The following ROBO3 variants were observed in gnomAD, a reference collection of about 807,000 sequenced individuals.
ROBO3 encodes the protein roundabout guidance receptor 3.
Under a neutral mutation model 160.5 loss-of-function variants are expected in ROBO3, and 97 were observed. The observed-to-expected ratio is 0.60, with a 90% CI of 0.51 to 0.72. The LOEUF is 0.72. Ranked by LOEUF, ROBO3 falls within the 30% of genes least tolerant of loss-of-function variation. The probability of loss-of-function intolerance (pLI) is 0.00; values close to 1 mark genes in which losing one functional copy is unlikely to be tolerated. For synonymous variants in ROBO3, 780 were observed against 746.2 expected (o/e 1.05, Z -0.74); for missense variants, 1,858 against 1,846.5 (o/e 1.01, Z -0.11).
At chr11:124,874,645 A>G in intron 12 of ROBO3, 143 bp from the exon 13 acceptor site, 7 of 967,874 alleles carry the variant, frequency 7.2e-6, no homozygotes, top group Non-Finnish European at 1.0e-5. Flanking sequence ...TCTGGAAGCT[A>G]TTTTCCTGAC....
At position 124,870,637 on chromosome 11, in the gene ROBO3, G is replaced by A. The variant is rs1565310038; in HGVS notation, c.942G>A (p.Gly314=). 2 of 1,613,542 alleles carry A rather than the reference G, an allele frequency of 1.2e-6. No individual in the cohort carries two copies. The highest frequency in any genetic ancestry group is 2.7e-5 in the African/African-American group (2 of 74,916). Residue 314 remains glycine (G), a synonymous_variant, in exon 6 of 28, where the codon GGG becomes GGA. Transcript: ENST00000397801. ...GGAGTGACCACAGCCTTTGGATTGG[G>A]CATGTGAGTGCCGAAGATGAGGGAA... ...EIRSDHSLWI[G]HVSAEDEGTY...
chr11:124,879,640 G>A (rs988473380), intron 25 of ROBO3, 65 bp downstream of exon 25: 16 of 1,531,456 alleles, frequency 1.0e-5, no homozygotes, highest in Non-Finnish European at 1.4e-5. Flanking sequence ...GAAACCAAGG[G>A]TGCACTCTGG....
rs543599119 is a variant in ROBO3, at chr11:124,877,192, A to G, written c.2803+8A>G. 7 of 1,613,786 alleles carry G rather than the reference A, an allele frequency of 4.3e-6. No homozygotes were observed. The East Asian group carries it at 6.7e-5, about 15-fold the overall frequency. Reference sequence around the variant, plus strand: ...TTGCCTACACACCGGCAGGTAAGCCATCTCTGCCCCAGTGGGGTTCAGACC... The same window carrying G: ...TTGCCTACACACCGGCAGGTAAGCCGTCTCTGCCCCAGTGGGGTTCAGACC... On this transcript the variant is annotated splice_region_variant and intron_variant, in intron 18 of 27. Coordinates refer to ENST00000397801, the MANE Select transcript of ROBO3 (RefSeq NM_022370.4).
In ROBO3 at chr11:124,869,431, C is replaced by G. The variant is rs529981490; in HGVS notation, c.488-19C>G. The G allele has an allele frequency of 1.9e-5, 25 of 1,303,848 alleles. No individual in the cohort carries two copies. The highest frequency in any genetic ancestry group is 2.7e-5 in the Non-Finnish European group (25 of 925,674). The allele number at this position is 1,303,848 out of a possible 1,614,324, so 80.8% of individuals were successfully genotyped here. On this transcript the variant is annotated intron_variant, in intron 2 of 27. Transcript: ENST00000397801. The surrounding 1 kb of genome is among the most constrained non-coding windows in gnomAD (Gnocchi z 4.2). ...TCACTCTACACCCTGCTTATTTCGC[C>G]CCCCACCGCCCCGCCCAGTCCTCCG...
intron 26 of ROBO3, 43 bp downstream of exon 26, chr11:124,879,991 G>A (rs1565316794): frequency 9.3e-6 from 14 of 1,504,228 alleles, no homozygotes; most frequent in Non-Finnish European, 1.2e-5. Context: ...TGCCACAGGA[G>A]ACTGTGGGCT....
At chr11:124,868,470 G>A (rs1289198839) in intron 1 of ROBO3, 10 of 590,662 alleles carry the variant, frequency 1.7e-5, no homozygotes, top group Admixed American at 1.5e-4. Flanking sequence ...CGGTCTACTC[G>A]CCAAGCGTGG....
Position 124,868,963 on chromosome 11 carries a change from C to T in ROBO3, c.322C>T (p.Arg108Trp), listed in dbSNP as rs373021678. Reference protein sequence around the residue: ...YKNGARVATVREDPRAHRLLL... With the variant: ...YKNGARVATVWEDPRAHRLLL... ...GAACGGGGCGCGTGTGGCCACTGTG[C>T]GGGAGGATCCGCGTGCGCACCGCCT... The change falls in exon 2 of 28, where the codon CGG becomes TGG. Residue 108 changes from arginine to tryptophan, a missense_variant. By Grantham distance (101) the Arg-to-Trp change is moderately radical (BLOSUM62 -3). Transcript: ENST00000397801. 10 of 1,604,152 alleles carry T rather than the reference C, an allele frequency of 6.2e-6. No homozygotes were observed. The African/African-American group carries it at 1.2e-4, about 19-fold the overall frequency.
rs1216476774 is a variant in ROBO3 at position 124,876,348 on chromosome 11, G to A, written c.2667G>A (p.Arg889=). The A allele has an allele frequency of 1.4e-6, 2 of 1,435,274 alleles. No individual in the cohort carries two copies. Among genetic ancestry groups the A allele is most frequent in the East Asian group, 2.8e-5 (1 of 35,726 alleles). 88.9% of individuals were successfully genotyped at this position (1,435,274 alleles called of 1,614,324 possible). ...CGGTGCGGCTGGCGAGGGTGCTGCG[G>A]GAGCCCGCCTTCCTCGCGGGCAGCG... ...GLAVRLARVL[R]EPAFLAGSGA... Residue 889 remains arginine (R), a synonymous_variant, in exon 17 of 28, where the codon CGG becomes CGA. Transcript: ENST00000397801. This position sits in a 1 kb window ranked among gnomAD's most constrained non-coding sequence, Gnocchi z 5.3.
chr11:124,875,183 T>G lies in ROBO3; in HGVS notation c.2146T>G (p.Trp716Gly). The change falls in exon 14 of 28, where the codon TGG becomes GGG. Residue 716 changes from tryptophan to glycine, a missense_variant. Coordinates refer to ENST00000397801, the MANE Select transcript of ROBO3 (RefSeq NM_022370.4). ...WRVAGPEGGS[W>G]TMLDLQSPSQ... ...GGTAGCAGGCCCTGAGGGAGGAAGC[T>G]GGACAATGTTGGACCTACAGTCCCC... is the stretch of plus-strand genomic sequence containing the variant. 3 of 1,613,696 alleles carry G rather than the reference T, an allele frequency of 1.9e-6. No individual in the cohort carries two copies. Among genetic ancestry groups the G allele is most frequent in the Non-Finnish European group, 2.5e-6 (3 of 1,179,852 alleles).
rs1296385596 is a variant in ROBO3 at position 124,873,972 on chromosome 11, G to A, written c.1785-98G>A. Reference sequence around the variant, plus strand: ...GATTCTCCAGTACCCTCTTGCAAGGGGAAGACATAATGGTCGTTCATAGAG... The same window carrying A: ...GATTCTCCAGTACCCTCTTGCAAGGAGAAGACATAATGGTCGTTCATAGAG... On this transcript the variant is annotated intron_variant, in intron 11 of 27. Transcript: ENST00000397801. The surrounding 1 kb of genome is among the most constrained non-coding windows in gnomAD (Gnocchi z 4.5). 16 of 1,584,818 alleles carry A rather than the reference G, an allele frequency of 1.0e-5. No homozygotes were observed. In the South Asian group the frequency reaches 1.7e-4, roughly 17 times the overall value.
intron 15 of ROBO3, 36 bp from the exon 16 acceptor site, chr11:124,875,918 A>C (rs760042048): frequency 1.3e-6 from 2 of 1,574,808 alleles, no homozygotes; most frequent in Non-Finnish European, 1.7e-6. Context: ...TAAGAATCCC[A>C]TTTCTGACTC....
Position 124,865,474 on chromosome 11 carries a change from C to A in ROBO3, c.-104C>A. The A allele has an allele frequency of 8.1e-7, 1 of 1,229,056 alleles. No homozygotes were observed. Among genetic ancestry groups the A allele is most frequent in the Non-Finnish European group, 1.1e-6 (1 of 891,010 alleles). The allele number at this position is 1,229,056 out of a possible 1,614,324, so 76.1% of individuals were successfully genotyped here. A position where few individuals can be genotyped will look rare whatever the true frequency, so the allele number is the denominator to read the frequency against. ...CAGGAGAGCGGCACCGTGGCTGCCG[C>A]AGCGCGCAGAGGCTGTGGAGGGGCT... On this transcript the variant is annotated 5_prime_UTR_variant, in exon 1 of 28. Transcript: ENST00000397801. The surrounding 1 kb of genome is among the most constrained non-coding windows in gnomAD (Gnocchi z 5.5).
At chr11:124,877,810 C>T (rs1369654022) in intron 20 of ROBO3, 127 bp from the exon 21 acceptor site, 3 of 1,202,248 alleles carry the variant, frequency 2.5e-6, no homozygotes, top group Non-Finnish European at 3.6e-6. Context: ...CTACCTCCAC[C>T]CTGGTTTAGG....
rs200052922 is a variant in ROBO3, at chr11:124,875,592, G to A, written c.2328G>A (p.Ala776=). ...EAPSGPPQGV[A]VALGGDGNSS... is the part of the protein sequence containing the mutation. The stretch of plus-strand genomic sequence containing the variant: ...CCAGTGGCCCCCCACAGGGAGTGGC[G>A]GTGGCCTTGGGGGGTGATGGCAACA... The change falls in exon 15 of 28, where the codon GCG becomes GCA. Residue 776 remains alanine, a synonymous_variant. Transcript: ENST00000397801. 1.3e-3 allele frequency: 2,104 copies of A among 1,611,628 alleles called. 23 individuals are homozygous for A. The African/African-American group carries it at 0.025, about 19-fold the overall frequency.
In ROBO3 at chr11:124,872,756, C is replaced by T. The variant is rs1030944075; in HGVS notation, c.1331-128C>T. On this transcript the variant is annotated intron_variant, in intron 8 of 27. Transcript: ENST00000397801. This position sits in a 1 kb window ranked among gnomAD's most constrained non-coding sequence, Gnocchi z 4.3. Reference sequence around the variant, plus strand: ...CAGAGACTTCAGATGATTATCAAAGCCCCCTCTGATCACCGGAAGTTTCAG... The same window carrying T: ...CAGAGACTTCAGATGATTATCAAAGTCCCCTCTGATCACCGGAAGTTTCAG... The T allele has an allele frequency of 5.3e-6, 5 of 950,862 alleles. No homozygotes were observed. Among genetic ancestry groups the T allele is most frequent in the Middle Eastern group, 3.3e-4 (1 of 3,018 alleles). The allele number at this position is 950,862 out of a possible 1,614,324, so 58.9% of individuals were successfully genotyped here. A position where few individuals can be genotyped will look rare whatever the true frequency, so the allele number is the denominator to read the frequency against.
In ROBO3 at chr11:124,876,485, C is replaced by T; in HGVS notation, c.2779+25C>T. 1.5e-6 allele frequency: 2 copies of T among 1,362,156 alleles called. No individual in the cohort carries two copies. Among genetic ancestry groups the T allele is most frequent in the African/African-American group, 1.5e-5 (1 of 65,558 alleles). The allele number at this position is 1,362,156 out of a possible 1,614,324, so 84.4% of individuals were successfully genotyped here. On this transcript the variant is annotated intron_variant, in intron 17 of 27. Coordinates refer to ENST00000397801, the MANE Select transcript of ROBO3 (RefSeq NM_022370.4). This position sits in a 1 kb window ranked among gnomAD's most constrained non-coding sequence, Gnocchi z 5.3. ...GGTGAGCTCCCGGCCTCGGAGCGGA[C>T]GGATCCGGGAGGGAGCCAGGCGGCC... is the stretch of plus-strand genomic sequence containing the variant.
At position 124,879,409 on chromosome 11, in the gene ROBO3, C is replaced by A. The variant is rs544680178; in HGVS notation, c.3686-56C>A. 1.6e-5 allele frequency: 26 copies of A among 1,607,978 alleles called. 2 individuals carry two copies. The South Asian group carries it at 2.7e-4, about 16-fold the overall frequency. On this transcript the variant is annotated intron_variant, in intron 24 of 27. Transcript: ENST00000397801. ...TGCTTGCTTCCCCTTCACCCTTAGG[C>A]CTTTTTCCTGATTTTTGCCCTTACC...
chr11:124,877,979 C>A lies in ROBO3; in HGVS notation c.3029C>A (p.Thr1010Lys), dbSNP rs1946443578. The A allele has an allele frequency of 6.2e-7, 1 of 1,610,410 alleles. No homozygotes were observed. The highest frequency in any genetic ancestry group is 8.5e-7 in the Non-Finnish European group (1 of 1,178,382). The stretch of plus-strand genomic sequence containing the variant: ...TATCTAGCTCAGACGGCCAGGGGCA[C>A]GGCCGCCCCTGGCGAGGGTCCTGTC... ...SLYLAQTARGTAAPGEGPVYS... is the reference protein window; with the variant it reads ...SLYLAQTARGKAAPGEGPVYS... The change falls in exon 21 of 28, where the codon ACG becomes AAG. Residue 1010 changes from threonine (T) to lysine (K), a missense_variant. Thr to Lys is a moderately conservative substitution (Grantham distance 78). Transcript: ENST00000397801.
Position 124,872,317 on chromosome 11 carries a change from T to C in ROBO3, c.1159-64T>C. On this transcript the variant is annotated intron_variant, in intron 7 of 27. Coordinates refer to ENST00000397801, the MANE Select transcript of ROBO3 (RefSeq NM_022370.4). This position sits in a 1 kb window ranked among gnomAD's most constrained non-coding sequence, Gnocchi z 4.3. ...CTCTGAATTTTGAGATTGACAGGAATGGGGACCTCTCCCTGCCCAGCTGCC... is the reference window on the plus strand; with the variant it reads ...CTCTGAATTTTGAGATTGACAGGAACGGGGACCTCTCCCTGCCCAGCTGCC... 7.1e-7 allele frequency: 1 copy of C among 1,403,244 alleles called. No homozygotes were observed. The highest frequency in any genetic ancestry group is 1.0e-6 in the Non-Finnish European group (1 of 988,658). 86.9% of individuals were successfully genotyped at this position (1,403,244 alleles called of 1,614,324 possible). A position where few individuals can be genotyped will look rare whatever the true frequency, so the allele number is the denominator to read the frequency against.
Sources: gnomAD v4.1 joint callset for allele counts on GRCh38, gnomAD v4.1.1 for gene constraint, Gnocchi (gnomAD v3.1) non-coding constraint, MANE v1.5 for transcripts, NCBI Gene and HGNC (gene_info 2026-07-23, HGNC 2026-07-21) for gene names.